Variants in ATP13A1 observed in about 807,000 individuals in gnomAD.
ATP13A1 encodes the protein ATPase 13A1, also known as endoplasmic reticulum transmembrane helix translocase.
In ATP13A1, 55 loss-of-function variants were observed where a neutral mutation model predicts 134.8. The observed-to-expected ratio is 0.41, with a 90% CI of 0.33 to 0.51. The LOEUF is 0.51. ATP13A1 is among the 20% of genes least tolerant of loss of function. The pLI, the probability that ATP13A1 is intolerant of heterozygous loss-of-function variation, is 0.29. For missense variants in ATP13A1, 1,389 were observed against 1,652.8 expected (o/e 0.84, Z 2.77); for synonymous variants, 775 against 725.1 (o/e 1.07, Z -1.10).
rs773216044 is a variant in ATP13A1, at chr19:19,645,485, C to T, written c.3552G>A (p.Ala1184=). ...ACTGCAGGACGCGGTCGGCCAGGAG[C>T]GCCAGGCAGAAGTCCAGGAGCAGGA... is the stretch of plus-strand genomic sequence containing the variant. ...AQVLLLDFCL[A]LLADRVLQFF... is the part of the protein sequence containing the mutation. Residue 1184 remains alanine, a synonymous_variant, in exon 26 of 26, where the codon GCG becomes GCA. Coordinates refer to ENST00000357324, the MANE Select transcript of ATP13A1 (RefSeq NM_020410.3). The surrounding 1 kb of genome is among the most constrained non-coding windows in gnomAD (Gnocchi z 4.1). 39 of 1,608,270 alleles carry T rather than the reference C, an allele frequency of 2.4e-5. No individual in the cohort carries two copies. Among genetic ancestry groups the T allele is most frequent in the Admixed American group, 3.4e-5 (2 of 59,022 alleles).
At chr19:19,658,509 G>C (rs1421683270) in intron 3 of ATP13A1, among the ~76,000 whole-genome samples, 1 of 152,202 alleles carries the variant, frequency 6.6e-6, no homozygotes, top group South Asian at 2.1e-4. Flanking sequence ...CCTTGTATTA[G>C]ATTGATAGTT....
intron 1 of ATP13A1, among the ~76,000 whole-genome samples, chr19:19,660,895 A>G (rs891210664): frequency 1.1e-4 from 17 of 151,506 alleles, no homozygotes; most frequent in Admixed American, 1.1e-3. Context: ...CCTGGCCAAT[A>G]TGGTGAAACC....
At chr19:19,662,113 C>G in intron 1 of ATP13A1, 1 of 1,568,956 alleles carries the variant, frequency 6.4e-7, no homozygotes, top group South Asian at 1.2e-5. Context: ...TCCCACTTCT[C>G]CATCCCTGGA....
chr19:19,653,470 G>A lies in ATP13A1; in HGVS notation c.2100+314C>T. 2.4e-6 allele frequency: 1 copy of A among 412,626 alleles called. No homozygotes were observed. The highest frequency in any genetic ancestry group is 3.6e-5 in the South Asian group (1 of 27,642). The allele number at this position is 412,626 out of a possible 1,614,324, so 25.6% of individuals were successfully genotyped here. A position where few individuals can be genotyped will look rare whatever the true frequency, so the allele number is the denominator to read the frequency against. On this transcript the variant is annotated intron_variant, in intron 15 of 25. Coordinates refer to ENST00000357324, the MANE Select transcript of ATP13A1 (RefSeq NM_020410.3). The surrounding 1 kb of genome is among the most constrained non-coding windows in gnomAD (Gnocchi z 4.2). ...GAGGCGGAGGGTGGGCTTTGTGGAG[G>A]ATGGATGGGTGAGAGGGCTGAGGAT...
At chr19:19,646,997 G>T in intron 22 of ATP13A1, 132 bp downstream of exon 22, 1 of 1,024,702 alleles carries the variant, frequency 9.8e-7, no homozygotes, top group Non-Finnish European at 1.4e-6. Flanking sequence ...CATTTCCTGA[G>T]CCATCCCAGC....
chr19:19,652,217 C>T (rs965831912), intron 16 of ATP13A1, among the ~76,000 whole-genome samples: 6 of 152,140 alleles, frequency 3.9e-5, no homozygotes, highest in African/African-American at 1.4e-4. Context: ...CCCTAAAAGA[C>T]ACCCTAAGTC....
Position 19,655,096 on chromosome 19 carries a change from G to C in ATP13A1, c.1655+23C>G. 6.2e-7 allele frequency: 1 copy of C among 1,612,770 alleles called. No individual in the cohort carries two copies. The highest frequency in any genetic ancestry group is 8.5e-7 in the Non-Finnish European group (1 of 1,179,600). ...CAGAAACCCCATCTGGGTGACCTTT[G>C]CTGCAGGGCCCCTGATGCTTACCTC... On this transcript the variant is annotated intron_variant, in intron 12 of 25. Transcript: ENST00000357324. This position sits in a 1 kb window ranked among gnomAD's most constrained non-coding sequence, Gnocchi z 5.7.
At chr19:19,651,949 C>T (rs1482441282) in intron 16 of ATP13A1, among the ~76,000 whole-genome samples, 152 bp from the exon 17 acceptor site, 1 of 152,032 alleles carries the variant, frequency 6.6e-6, no homozygotes, top group East Asian at 1.9e-4. Context: ...AGGGCCACAA[C>T]CCACCCCCAC....
intron 22 of ATP13A1, 149 bp from the exon 23 acceptor site, chr19:19,646,496 T>C: frequency 1.1e-6 from 1 of 913,662 alleles, no homozygotes; most frequent in Non-Finnish European, 1.6e-6. Flanking sequence ...TCAGCACCAG[T>C]CCCTGGATCC....
intron 2 of ATP13A1, 46 bp downstream of exon 2, chr19:19,659,852 A>G (rs1396223670): frequency 6.3e-7 from 1 of 1,593,988 alleles, no homozygotes; most frequent in Admixed American, 1.8e-5. Context: ...GCGCCTGGGA[A>G]TCCTACTCAA....
intron 17 of ATP13A1, 71 bp from the exon 18 acceptor site, chr19:19,650,011 G>A (rs990277067): frequency 1.5e-5 from 21 of 1,382,110 alleles, no homozygotes; most frequent in African/African-American, 5.7e-5. Context: ...CCCTCCACTC[G>A]GACCCCAGCA....
At chr19:19,646,766 G>A (rs1237014688) in intron 22 of ATP13A1, 1 of 382,726 alleles carries the variant, frequency 2.6e-6, no homozygotes. Context: ...TTACGCCTTG[G>A]CCTGAGTGTC....
intron 22 of ATP13A1, chr19:19,646,555 T>C (rs1036030871): frequency 1.8e-5 from 11 of 623,050 alleles, no homozygotes; most frequent in Non-Finnish European, 2.8e-5. Context: ...TGGCCCCGGC[T>C]CCGCCATCCA....
chr19:19,646,418 A>C, intron 22 of ATP13A1, 71 bp from the exon 23 acceptor site: 1 of 1,572,716 alleles, frequency 6.4e-7, no homozygotes, highest in South Asian at 1.1e-5. Flanking sequence ...CACAGCAGGC[A>C]GTAACATCCC....
At chr19:19,657,295 A>G in intron 4 of ATP13A1, 41 bp downstream of exon 4, 1 of 1,546,692 alleles carries the variant, frequency 6.5e-7, no homozygotes, top group South Asian at 1.2e-5. Context: ...GGAAAGCCCC[A>G]AGGGAGGAAA....
chr19:19,653,749 C>A lies in ATP13A1; in HGVS notation c.2100+35G>T, dbSNP rs370504595. The A allele has an allele frequency of 3.6e-5, 54 of 1,508,666 alleles. No homozygotes were observed. The highest frequency in any genetic ancestry group is 4.5e-5 in the Non-Finnish European group (50 of 1,110,452). 93.5% of individuals were successfully genotyped at this position (1,508,666 alleles called of 1,614,324 possible). A position where few individuals can be genotyped will look rare whatever the true frequency, so the allele number is the denominator to read the frequency against. On this transcript the variant is annotated intron_variant, in intron 15 of 25. Transcript: ENST00000357324. The surrounding 1 kb of genome is among the most constrained non-coding windows in gnomAD (Gnocchi z 4.2). Reference sequence around the variant, plus strand: ...CTCAGGGAGGAGCTGACGGGCCAGGCACATGGTGAAGGCAGGGGGAGCCTG... The same window carrying A: ...CTCAGGGAGGAGCTGACGGGCCAGGAACATGGTGAAGGCAGGGGGAGCCTG...
At position 19,656,729 on chromosome 19, in the gene ATP13A1, C is replaced by A; in HGVS notation, c.1014G>T (p.Val338=). 1.9e-6 allele frequency: 3 copies of A among 1,613,788 alleles called. No individual in the cohort carries two copies. The highest frequency in any genetic ancestry group is 1.1e-5 in the South Asian group (1 of 91,086). ...CGATGCAGCGGCCTCGCAGCAGAAG[C>A]ACGTCACATGGCACCAGGTTCTCCT... The part of the protein sequence containing the change: ...SPQENLVPCD[V]LLLRGRCIVD... Residue 338 remains valine, a synonymous_variant, in exon 7 of 26, where the codon GTG becomes GTT. Transcript: ENST00000357324. The surrounding 1 kb of genome is among the most constrained non-coding windows in gnomAD (Gnocchi z 4.6).
At chr19:19,661,284 C>A (rs560997065) in intron 1 of ATP13A1, among the ~76,000 whole-genome samples, 1 of 152,272 alleles carries the variant, frequency 6.6e-6, no homozygotes, top group African/African-American at 2.4e-5. Flanking sequence ...CAAGCCCCCG[C>A]CCCATCACAG....
At chr19:19,662,979 C>T (rs1365056736) in intron 1 of ATP13A1, 3 of 565,354 alleles carry the variant, frequency 5.3e-6, no homozygotes, top group East Asian at 3.3e-5. Flanking sequence ...CTGACCTGGG[C>T]GACGTATGCT....
Sources: gnomAD v4.1 joint callset for allele counts (sites outside exome capture counted in the v4.1 genomes callset) on GRCh38, gnomAD v4.1.1 for gene constraint, Gnocchi (gnomAD v3.1) non-coding constraint, MANE v1.5 for transcripts, NCBI Gene and HGNC (gene_info 2026-07-23, HGNC 2026-07-21) for gene names.